Variants in GPRC6A observed in about 807,000 individuals in gnomAD.
GPRC6A encodes G protein-coupled receptor family C group 6 member A.
In GPRC6A, 54 loss-of-function variants were observed where a neutral mutation model predicts 47.0. The observed-to-expected ratio is 1.15, with a 90% CI of 0.92 to 1.44. The LOEUF (loss-of-function observed/expected upper bound fraction) is 1.44. Among genes scored for constraint, GPRC6A ranks in the 40% most tolerant of loss-of-function variants. The pLI is 0.00. For missense variants in GPRC6A, 1,112 were observed against 1,105.5 expected (o/e 1.01, Z -0.08); for synonymous variants, 347 against 377.1 (o/e 0.92, Z 0.93).
chr6:116,807,345 C>G, intron 2 of GPRC6A, 139 bp from the exon 3 acceptor site: 1 of 625,492 alleles, frequency 1.6e-6, no homozygotes, highest in Non-Finnish European at 2.8e-6. Context: ...CTTCTCCTTA[C>G]TTAGCCCCTG....
intron 1 of GPRC6A, among the ~76,000 whole-genome samples, chr6:116,818,178 A>T (rs1284867235): frequency 1.0e-4 from 15 of 150,574 alleles, no homozygotes; most frequent in Admixed American, 1.3e-4. Context: ...CTAACAGCGG[A>T]TCTCTCAGCA....
intron 1 of GPRC6A, among the ~76,000 whole-genome samples, chr6:116,816,249 T>G (rs1485661446): frequency 6.6e-6 from 1 of 152,034 alleles, no homozygotes; most frequent in Non-Finnish European, 1.5e-5. Flanking sequence ...GCCTGCAAAA[T>G]AAAAAATAAG....
intron 4 of GPRC6A, among the ~76,000 whole-genome samples, chr6:116,798,763 A>T (rs1772564394): frequency 6.6e-6 from 1 of 151,844 alleles, no homozygotes; most frequent in African/African-American, 2.4e-5. Context: ...CACACCTGTA[A>T]TCCCAGCTAC....
chr6:116,796,706 A>C (rs1253139934), intron 4 of GPRC6A, among the ~76,000 whole-genome samples: 1 of 152,132 alleles, frequency 6.6e-6, no homozygotes, highest in Admixed American at 6.5e-5. Flanking sequence ...CTGAGAGAGA[A>C]ATGAAAAGAT....
rs553409639 is a variant in GPRC6A, at chr6:116,813,922, C to T, written c.195-4305G>A. 2.0e-5 allele frequency among the ~76,000 whole-genome samples: 3 copies of T among 151,954 alleles called. No individual in the cohort carries two copies. The South Asian group carries it at 6.2e-4, about 32-fold the overall frequency. On this transcript the variant is annotated intron_variant, in intron 1 of 5. Transcript: ENST00000310357. ...CAAACAAATTTACAAGAAAAAACAA[C>T]CCCTTCAAAAAGTGGGTGAAGGATA...
At chr6:116,822,829 G>A (rs1210393913) in intron 1 of GPRC6A, among the ~76,000 whole-genome samples, 25 of 148,312 alleles carry the variant, frequency 1.7e-4, no homozygotes, top group African/African-American at 5.7e-4. Context: ...CCTGTACAAT[G>A]TGCACATGTA....
At chr6:116,798,427 G>C (rs2114582488) in intron 4 of GPRC6A, among the ~76,000 whole-genome samples, 1 of 152,256 alleles carries the variant, frequency 6.6e-6, no homozygotes, top group African/African-American at 2.4e-5. Flanking sequence ...CAGGAGGGCT[G>C]TAGAGTAAGG....
rs1227818174 is a variant in GPRC6A, at chr6:116,809,693, A to C, written c.195-76T>G. 9.4e-6 allele frequency: 9 copies of C among 958,928 alleles called. No individual in the cohort carries two copies. In the South Asian group the frequency reaches 1.1e-4, roughly 12 times the overall value. 59.4% of individuals were successfully genotyped at this position (958,928 alleles called of 1,614,324 possible). ...CATGGCTGTATCTCATTTTGCCTAC[A>C]TCTCCTCATAGCAATTTCTGGATGA... On this transcript the variant is annotated intron_variant, in intron 1 of 5. Coordinates refer to ENST00000310357, the MANE Select transcript of GPRC6A (RefSeq NM_148963.4).
At chr6:116,815,964 T>C (rs2114609475) in intron 1 of GPRC6A, among the ~76,000 whole-genome samples, 1 of 152,274 alleles carries the variant, frequency 6.6e-6, no homozygotes, top group East Asian at 1.9e-4. Flanking sequence ...ATCTGCTCAG[T>C]TTCTTGGGAG....
At position 116,798,990 on chromosome 6, in the gene GPRC6A, G is replaced by T. The variant is rs77066266; in HGVS notation, c.1548+1594C>A. Reference sequence around the variant, plus strand: ...GATTGTAACAGCAGTGGAGTAGGTAGTAAAAAGTGGTCAGCTTCTGGACAC... The same window carrying T: ...GATTGTAACAGCAGTGGAGTAGGTATTAAAAAGTGGTCAGCTTCTGGACAC... On this transcript the variant is annotated intron_variant, in intron 4 of 5. Transcript: ENST00000310357. Among the ~76,000 whole-genome samples, 488 of 152,154 alleles carry T rather than the reference G, an allele frequency of 3.2e-3. 2 individuals carry two copies. Among genetic ancestry groups the T allele is most frequent in the African/African-American group, 0.011 (448 of 41,526 alleles).
chr6:116,796,616 T>C (rs2114579795), intron 4 of GPRC6A, among the ~76,000 whole-genome samples: 1 of 152,310 alleles, frequency 6.6e-6, no homozygotes, highest in South Asian at 2.1e-4. Flanking sequence ...CAAGATTCTC[T>C]TATCCATAAT....
intron 1 of GPRC6A, among the ~76,000 whole-genome samples, chr6:116,814,623 G>A (rs1374025953): frequency 1.3e-5 from 2 of 152,128 alleles, no homozygotes; most frequent in African/African-American, 4.8e-5. Flanking sequence ...GGATGGGGGA[G>A]GGATAGCATT....
intron 4 of GPRC6A, among the ~76,000 whole-genome samples, chr6:116,796,281 A>G (rs1772486979): frequency 6.6e-6 from 1 of 152,072 alleles, no homozygotes; most frequent in Non-Finnish European, 1.5e-5. Context: ...ACTCCAAAAA[A>G]TAAAAAAAAA....
intron 1 of GPRC6A, among the ~76,000 whole-genome samples, chr6:116,811,457 T>A (rs2221882): frequency 6.6e-6 from 1 of 151,484 alleles, no homozygotes; most frequent in African/African-American, 2.4e-5. Flanking sequence ...AGAAAAAAAA[T>A]GTAAATAAAT....
intron 1 of GPRC6A, among the ~76,000 whole-genome samples, chr6:116,812,460 A>G (rs1353959038): frequency 1.3e-5 from 2 of 152,182 alleles, no homozygotes; most frequent in African/African-American, 4.8e-5. Flanking sequence ...AAGGACTCAA[A>G]TGATACTACT....
At chr6:116,814,275 A>T (rs544002084) in intron 1 of GPRC6A, among the ~76,000 whole-genome samples, 23 of 152,330 alleles carry the variant, frequency 1.5e-4, no homozygotes, top group African/African-American at 5.5e-4. Context: ...AAGGATTATA[A>T]ATCATGCTAC....
chr6:116,792,175 T>C lies in GPRC6A; in HGVS notation c.2748A>G (p.Lys916=). ...ICRENATSVS[K]TLPRKRMSSI ...TTGACATTCTTTTTCGAGGCAAAGT[T>C]TTAGATACACTTGTGGCATTTTCCC... The change falls in exon 6 of 6, where the codon AAA becomes AAG. Residue 916 remains lysine, a synonymous_variant. Transcript: ENST00000310357. 1 of 1,613,836 alleles carries C rather than the reference T, an allele frequency of 6.2e-7. No homozygotes were observed. The highest frequency in any genetic ancestry group is 8.5e-7 in the Non-Finnish European group (1 of 1,179,846).
chr6:116,820,559 C>T (rs1773430604), intron 1 of GPRC6A, among the ~76,000 whole-genome samples: 1 of 148,398 alleles, frequency 6.7e-6, no homozygotes, highest in African/African-American at 2.5e-5. Context: ...TCAATATATG[C>T]AAATCAATAA....
At chr6:116,800,450 C>T (rs1772634904) in intron 4 of GPRC6A, 134 bp downstream of exon 4, 2 of 469,952 alleles carry the variant, frequency 4.3e-6, no homozygotes, top group Admixed American at 2.7e-5. Flanking sequence ...AGGAGCTACA[C>T]TGATTAGGCA....
Sources: allele counts gnomAD v4.1 joint callset (sites outside exome capture counted in the v4.1 genomes callset), GRCh38; gene constraint gnomAD v4.1.1; transcripts MANE v1.5; gene names NCBI Gene and HGNC (gene_info 2026-07-23, HGNC 2026-07-21).